Variants in ITGA9 observed in about 807,000 individuals in gnomAD.
ITGA9 encodes integrin subunit alpha 9, also known as integrin alpha-9.
In ITGA9, 56 loss-of-function variants were observed where a neutral mutation model predicts 127.8. The observed-to-expected ratio is 0.44, with a 90% CI of 0.35 to 0.55. The LOEUF is 0.55. Ranked by LOEUF, ITGA9 falls within the 20% of genes least tolerant of loss-of-function variation. The probability of loss-of-function intolerance (pLI) is 0.00; values close to 1 mark genes in which losing one functional copy is unlikely to be tolerated. For missense variants in ITGA9, 1,196 were observed against 1,347.1 expected (o/e 0.89, Z 1.76); for synonymous variants, 508 against 514.5 (o/e 0.99, Z 0.17).
At chr3:37,800,535 C>A (rs190005243) in intron 26 of ITGA9, among the ~76,000 whole-genome samples, 1 of 152,308 alleles carries the variant, frequency 6.6e-6, no homozygotes, top group Admixed American at 6.5e-5. Context: ...ATTTGATCCA[C>A]AGCTTTTTAA....
At chr3:37,558,414 G>T (rs77184825) in intron 15 of ITGA9, among the ~76,000 whole-genome samples, 1 of 152,038 alleles carries the variant, frequency 6.6e-6, no homozygotes, top group Non-Finnish European at 1.5e-5. Context: ...GCCTGCATTC[G>T]GGGCACTGTC....
At chr3:37,767,363 G>A (rs1696791892) in intron 23 of ITGA9, among the ~76,000 whole-genome samples, 1 of 152,198 alleles carries the variant, frequency 6.6e-6, no homozygotes, top group Admixed American at 6.5e-5. Flanking sequence ...AGGGATGACT[G>A]CCTTAAGGGA....
rs139316730 is a variant in ITGA9, at chr3:37,513,999, A to T, written c.1035+99A>T. 3.6e-6 allele frequency: 5 copies of T among 1,405,818 alleles called. No individual in the cohort carries two copies. In the South Asian group the frequency reaches 4.6e-5, roughly 13 times the overall value. 87.1% of individuals were successfully genotyped at this position (1,405,818 alleles called of 1,614,324 possible). The stretch of plus-strand genomic sequence containing the variant: ...CCCCTCTGGGCCGGCACTGGGGGCA[A>T]TGTTACCCAGAGGAGATGAAAATAT... On this transcript the variant is annotated intron_variant, in intron 9 of 27. Transcript: ENST00000264741.
rs138522162 is a variant in ITGA9, at chr3:37,608,456, A to G, written c.1690-20731A>G. Among the ~76,000 whole-genome samples, 765 of 147,530 alleles carry G rather than the reference A, an allele frequency of 5.2e-3. 7 individuals carry two copies. Among genetic ancestry groups the G allele is most frequent in the African/African-American group, 0.016 (646 of 40,384 alleles). On this transcript the variant is annotated intron_variant, in intron 15 of 27. Coordinates refer to ENST00000264741, the MANE Select transcript of ITGA9 (RefSeq NM_002207.3). Reference sequence around the variant, plus strand: ...AAGATTTACAAAACAAACAAACAAAACTGTTTTCATCATCTTTGGTTGTAG... The same window carrying G: ...AAGATTTACAAAACAAACAAACAAAGCTGTTTTCATCATCTTTGGTTGTAG...
chr3:37,818,901 T>C lies in ITGA9; in HGVS notation c.3020T>C (p.Phe1007Ser). Reference sequence around the variant, plus strand: ...CTTTCTGCCTTTCAGATGGGCTTCTTTCGCCGAAGGTACAAAGAAATTATC... The same window carrying C: ...CTTTCTGCCTTTCAGATGGGCTTCTCTCGCCGAAGGTACAAAGAAATTATC... The part of the protein sequence containing the change: ...LAVLLWKMGF[F>S]RRRYKEIIEA... The change falls in exon 28 of 28, where the codon TTT (phenylalanine) becomes TCT (serine). Residue 1007 changes from phenylalanine (F) to serine (S), a missense_variant. Transcript: ENST00000264741. The C allele has an allele frequency of 6.2e-7, 1 of 1,613,748 alleles. No individual in the cohort carries two copies. The highest frequency in any genetic ancestry group is 8.5e-7 in the Non-Finnish European group (1 of 1,179,664).
chr3:37,653,982 T>C (rs899344701), intron 17 of ITGA9, among the ~76,000 whole-genome samples, 192 bp downstream of exon 17: 2 of 152,194 alleles, frequency 1.3e-5, no homozygotes, highest in Non-Finnish European at 2.9e-5. Context: ...GAAGATTGTT[T>C]AGGTTTTTTT....
chr3:37,522,739 GA>G (rs1247731011), intron 11 of ITGA9, among the ~76,000 whole-genome samples: 12 of 147,872 alleles, frequency 8.1e-5, no homozygotes, highest in African/African-American at 3.0e-4. Context: ...AAAAAAAAAA[GA>G]GAAAGTTTTT....
At chr3:37,456,352 C>T (rs1290384354) in intron 1 of ITGA9, among the ~76,000 whole-genome samples, 1 of 152,224 alleles carries the variant, frequency 6.6e-6, no homozygotes, top group Non-Finnish European at 1.5e-5. Flanking sequence ...TTCTGGCGTC[C>T]TTTGAACAAC....
At chr3:37,513,091 A>G (rs1178084119) in intron 8 of ITGA9, among the ~76,000 whole-genome samples, 2 of 152,110 alleles carry the variant, frequency 1.3e-5, no homozygotes, top group African/African-American at 4.8e-5. Context: ...TCCCCATGTA[A>G]CATTTATTTT....
At chr3:37,743,877 G>T in intron 21 of ITGA9, 49 bp from the exon 22 acceptor site, 1 of 1,233,594 alleles carries the variant, frequency 8.1e-7, no homozygotes. Flanking sequence ...GTGACCATGG[G>T]TGCTTGACTG....
intron 13 of ITGA9, among the ~76,000 whole-genome samples, chr3:37,531,691 T>C (rs1699153710): frequency 6.6e-6 from 1 of 152,216 alleles, no homozygotes; most frequent in Non-Finnish European, 1.5e-5. Flanking sequence ...TCTGTGAGGC[T>C]TTGGACACTC....
intron 2 of ITGA9, among the ~76,000 whole-genome samples, chr3:37,472,304 T>C (rs1698441239): frequency 1.3e-5 from 2 of 152,248 alleles, no homozygotes; most frequent in African/African-American, 4.8e-5. Context: ...GGCACATCAG[T>C]ACAAAGGAGG....
intron 5 of ITGA9, among the ~76,000 whole-genome samples, chr3:37,496,127 C>G (rs1377750809): frequency 6.6e-6 from 1 of 152,174 alleles, no homozygotes; most frequent in African/African-American, 2.4e-5. Flanking sequence ...CTTTCAGAAA[C>G]TGCTGTTTAA....
intron 15 of ITGA9, among the ~76,000 whole-genome samples, chr3:37,555,483 C>T (rs1699421799): frequency 6.6e-6 from 1 of 152,216 alleles, no homozygotes; most frequent in Admixed American, 6.5e-5. Context: ...TGAAATAACA[C>T]ATGTGGCTAG....
intron 17 of ITGA9, among the ~76,000 whole-genome samples, chr3:37,665,175 A>G (rs780377285): frequency 1.3e-5 from 2 of 151,474 alleles, no homozygotes; most frequent in African/African-American, 2.4e-5. Flanking sequence ...GGGTTTCACC[A>G]TGTTGTCCAG....
intron 17 of ITGA9, among the ~76,000 whole-genome samples, chr3:37,654,293 C>T (rs11919890): frequency 0.062 from 9,359 of 152,068 alleles, 865 homozygotes; most frequent in African/African-American, 0.2. Flanking sequence ...GAGGGGCAGG[C>T]TGCCCTGATC....
chr3:37,506,587 A>G (rs564392974), intron 7 of ITGA9, among the ~76,000 whole-genome samples: 5 of 152,326 alleles, frequency 3.3e-5, no homozygotes, highest in African/African-American at 1.2e-4. Flanking sequence ...TGGACTGGAA[A>G]TATGTGGGTC....
At chr3:37,528,087 A>G (rs372807396) in intron 13 of ITGA9, among the ~76,000 whole-genome samples, 2 of 152,304 alleles carry the variant, frequency 1.3e-5, no homozygotes, top group South Asian at 2.1e-4. Flanking sequence ...GCCTGACCCA[A>G]CAGGCCCTCT....
At chr3:37,640,023 G>C (rs6778761) in intron 16 of ITGA9, among the ~76,000 whole-genome samples, 88,930 of 151,964 alleles carry the variant, frequency 0.59, 26,764 homozygotes, top group African/African-American at 0.73. Flanking sequence ...ACTCTTCTCA[G>C]GCTTCATCAG....
Sources: allele counts gnomAD v4.1 joint callset (sites outside exome capture counted in the v4.1 genomes callset), GRCh38; gene constraint gnomAD v4.1.1; transcripts MANE v1.5; gene names NCBI Gene and HGNC (gene_info 2026-07-23, HGNC 2026-07-21).